COL24A1: variants seen among roughly 807,000 people sequenced by gnomAD.
COL24A1 encodes the protein collagen type XXIV alpha 1 chain.
Under a neutral mutation model 253.9 loss-of-function variants are expected in COL24A1, and 224 were observed. The observed-to-expected ratio is 0.88, with a 90% CI of 0.79 to 0.99. The LOEUF (loss-of-function observed/expected upper bound fraction) is 0.99, where lower values mean the gene tolerates loss of function less well. Ranked by LOEUF, COL24A1 falls within the 50% of genes least tolerant of loss-of-function variation. The pLI is 0.00. For synonymous variants in COL24A1, 685 were observed against 673.7 expected (o/e 1.02, Z -0.26); for missense variants, 2,131 against 2,068.5 (o/e 1.03, Z -0.59).
rs201447877 is a variant in COL24A1 at position 85,847,699 on chromosome 1, C to T, written c.3428G>A (p.Gly1143Asp). Residue 1143 changes from glycine (G) to aspartate (D), a missense_variant, in exon 39 of 60, where the codon GGT (glycine) becomes GAT (aspartate). Transcript: ENST00000370571. ...RGPPGKIGKS[G>D]PKGARGTRGA... ...TCTAGTTCCTCTGGCACCCTTAGGA[C>T]CACTTTTCCCAATTTTTCCAGGAGG... 1.3e-5 allele frequency: 21 copies of T among 1,613,812 alleles called. No homozygotes were observed. Among genetic ancestry groups the T allele is most frequent in the Admixed American group, 6.7e-5 (4 of 59,992 alleles).
chr1:86,050,232 G>A (rs1571744165), intron 10 of COL24A1, 55 bp from the exon 11 acceptor site: 1 of 1,487,800 alleles, frequency 6.7e-7, no homozygotes, highest in East Asian at 2.3e-5. Flanking sequence ...CTCCCCATAA[G>A]TGATTCTGAA....
intron 47 of COL24A1, among the ~76,000 whole-genome samples, chr1:85,791,348 A>T (rs997202065): frequency 4.6e-5 from 7 of 151,896 alleles, no homozygotes; most frequent in Admixed American, 3.3e-4. Context: ...AAAGAAGTTT[A>T]AAAAAAACAC....
rs779944888 is a variant in COL24A1 at position 86,156,471 on chromosome 1, A to T, written c.-75T>A. ...ACTCTGAACTGCTTAGGGTGCAGGT[A>T]CTGTCCATGAAAAAGGGAAAAAACA... On this transcript the variant is annotated 5_prime_UTR_variant, in exon 1 of 60. Transcript: ENST00000370571. The T allele has an allele frequency of 2.7e-5, 37 of 1,355,482 alleles. No individual in the cohort carries two copies. Among genetic ancestry groups the T allele is most frequent in the Non-Finnish European group, 3.7e-5 (37 of 995,614 alleles). The allele number at this position is 1,355,482 out of a possible 1,614,324, so 84.0% of individuals were successfully genotyped here. A position where few individuals can be genotyped will look rare whatever the true frequency, so the allele number is the denominator to read the frequency against.
chr1:85,807,561 T>C (rs1158957109), intron 47 of COL24A1, among the ~76,000 whole-genome samples: 1 of 152,202 alleles, frequency 6.6e-6, no homozygotes, highest in Non-Finnish European at 1.5e-5. Context: ...GAATATACCA[T>C]AGTGTACTAG....
chr1:86,132,454 G>C (rs1188696555), intron 2 of COL24A1, among the ~76,000 whole-genome samples: 4 of 152,068 alleles, frequency 2.6e-5, no homozygotes, highest in Non-Finnish European at 4.4e-5. Context: ...CCTATGTCCT[G>C]AATGGTATTG....
In COL24A1 at chr1:86,125,722, A is replaced by G; in HGVS notation, c.614T>C (p.Leu205Ser). The change falls in exon 3 of 60, where the codon TTA becomes TCA. Residue 205 changes from leucine (L) to serine (S), a missense_variant. Physicochemically the swap from Leu to Ser is moderately radical, Grantham distance 145. Coordinates refer to ENST00000370571, the MANE Select transcript of COL24A1 (RefSeq NM_152890.7). ...GATAGAATTATTATTCATACTTCCT[A>G]AAGTAAACACACTATTAGAATCAAA... ...QTFDSNSVFT[L>S]GSMNNNSIHF... 1 of 1,610,572 alleles carries G rather than the reference A, an allele frequency of 6.2e-7. No homozygotes were observed. The highest frequency in any genetic ancestry group is 8.5e-7 in the Non-Finnish European group (1 of 1,178,190).
chr1:85,775,172 T>C (rs1157208466), intron 53 of COL24A1, among the ~76,000 whole-genome samples: 1 of 152,206 alleles, frequency 6.6e-6, no homozygotes, highest in Non-Finnish European at 1.5e-5. Context: ...TCCATGTCGT[T>C]GTGCAGTTTT....
At chr1:85,746,320 T>G (rs1665212222) in intron 55 of COL24A1, among the ~76,000 whole-genome samples, 2 of 152,164 alleles carry the variant, frequency 1.3e-5, no homozygotes, top group African/African-American at 4.8e-5. Context: ...AAAAACTATT[T>G]GAAATGATGG....
At chr1:86,139,045 G>A (rs955063817) in intron 2 of COL24A1, among the ~76,000 whole-genome samples, 1 of 151,978 alleles carries the variant, frequency 6.6e-6, no homozygotes, top group Non-Finnish European at 1.5e-5. Context: ...AGTCTTCTAA[G>A]CTTACAAAGC....
intron 31 of COL24A1, among the ~76,000 whole-genome samples, chr1:85,893,038 G>A (rs767144520): frequency 5.9e-5 from 9 of 152,002 alleles, no homozygotes; most frequent in Non-Finnish European, 1.2e-4. Flanking sequence ...AATTGAAATT[G>A]AACAAATGCT....
chr1:85,830,519 G>A (rs1037465651), intron 43 of COL24A1, among the ~76,000 whole-genome samples: 1 of 152,144 alleles, frequency 6.6e-6, no homozygotes, highest in African/African-American at 2.4e-5. Flanking sequence ...CCCTCCCCCA[G>A]CCTGGCTGCC....
intron 1 of COL24A1, chr1:86,154,633 T>C (rs1243603764): frequency 6.5e-6 from 1 of 152,726 alleles, no homozygotes; most frequent in Non-Finnish European, 1.5e-5. Flanking sequence ...GGGCCTTTTC[T>C]GGGAGCGTCT....
chr1:86,071,974 C>T (rs887174691), intron 7 of COL24A1, among the ~76,000 whole-genome samples: 2 of 152,154 alleles, frequency 1.3e-5, no homozygotes, highest in African/African-American at 4.8e-5. Flanking sequence ...CAGAGCTATC[C>T]AGCCAAGATA....
chr1:85,953,447 A>G (rs1244985120), intron 24 of COL24A1, among the ~76,000 whole-genome samples: 1 of 152,238 alleles, frequency 6.6e-6, no homozygotes, highest in Non-Finnish European at 1.5e-5. Context: ...ATCTTATGAA[A>G]GAGGACTAAT....
intron 14 of COL24A1, among the ~76,000 whole-genome samples, chr1:86,030,873 T>C (rs113601896): frequency 0.086 from 13,049 of 151,864 alleles, 661 homozygotes; most frequent in Middle Eastern, 0.19. Context: ...GCTGGGATCA[T>C]AGGCATGAGC....
rs192458637 is a variant in COL24A1, at chr1:85,830,783, G to A, written c.3682-7045C>T. On this transcript the variant is annotated intron_variant, in intron 43 of 59. Transcript: ENST00000370571. Reference sequence around the variant, plus strand: ...GCAATGCCTTGCCCTGCTTCGGCTCGCGCACAGTGCGTGCACCCACTGACC... The same window carrying A: ...GCAATGCCTTGCCCTGCTTCGGCTCACGCACAGTGCGTGCACCCACTGACC... 9.8e-3 allele frequency among the ~76,000 whole-genome samples: 1,488 copies of A among 152,194 alleles called. 75 individuals are homozygous for A. Among genetic ancestry groups the A allele is most frequent in the Admixed American group, 0.067 (1,021 of 15,246 alleles).
In COL24A1 at chr1:86,124,966, G is replaced by A; in HGVS notation, c.1370C>T (p.Ala457Val). 6.2e-7 allele frequency: 1 copy of A among 1,613,044 alleles called. No homozygotes were observed. Among genetic ancestry groups the A allele is most frequent in the Non-Finnish European group, 8.5e-7 (1 of 1,179,610 alleles). The part of the protein sequence containing the change: ...LRKEGEFYPD[A>V]TYPIENSYET... ...ATAGCTATTTTCGATGGGATAAGTA[G>A]CATCAGGATAAAATTCACCTTCTTT... Residue 457 changes from alanine (A) to valine (V), a missense_variant, in exon 3 of 60, where the codon GCT (alanine) becomes GTT (valine). Physicochemically the swap from Ala to Val is moderately conservative, Grantham distance 64. Coordinates refer to ENST00000370571, the MANE Select transcript of COL24A1 (RefSeq NM_152890.7).
chr1:85,971,302 A>G (rs757992578), intron 21 of COL24A1, 38 bp downstream of exon 21: 1 of 1,585,260 alleles, frequency 6.3e-7, no homozygotes, highest in Non-Finnish European at 8.6e-7. Flanking sequence ...TTAACTAAAA[A>G]CCTTGCTGAA....
intron 5 of COL24A1, among the ~76,000 whole-genome samples, chr1:86,098,692 C>T (rs1232751949): frequency 1.3e-5 from 2 of 152,070 alleles, no homozygotes; most frequent in African/African-American, 4.8e-5. Context: ...ACAAATCTGT[C>T]CTTTAAAAAG....
Sources: gnomAD v4.1 joint callset for allele counts (sites outside exome capture counted in the v4.1 genomes callset) on GRCh38, gnomAD v4.1.1 for gene constraint, MANE v1.5 for transcripts, NCBI Gene and HGNC (gene_info 2026-07-23, HGNC 2026-07-21) for gene names.